Variants in NTRK3 observed in about 807,000 individuals in gnomAD.
NTRK3 encodes the protein NT-3 growth factor receptor.
A neutral mutation model predicts 91.7 loss-of-function variants in NTRK3; 24 were observed. That is an observed-to-expected ratio of 0.26 (90% CI 0.19 to 0.37). NTRK3 has a LOEUF of 0.37. Ranked by LOEUF, NTRK3 falls within the 10% of genes least tolerant of loss-of-function variation. NTRK3 has a pLI of 1.00. For synonymous variants in NTRK3, 483 were observed against 404.0 expected (o/e 1.20, Z -2.34); for missense variants, 880 against 1,068.9 (o/e 0.82, Z 2.46).
rs544511249 is a variant in NTRK3, at chr15:88,063,072, C to T, written c.1397-30027G>A. Reference sequence around the variant, plus strand: ...CCTTATGCTGTGGTTCAACACTGGGCTCCATCCCTTGGACAGATTACTGAA... The same window carrying T: ...CCTTATGCTGTGGTTCAACACTGGGTTCCATCCCTTGGACAGATTACTGAA... On this transcript the variant is annotated intron_variant, in intron 13 of 18. Coordinates refer to ENST00000394480, the Ensembl canonical transcript of NTRK3. 4.6e-5 allele frequency among the ~76,000 whole-genome samples: 7 copies of T among 152,368 alleles called. 1 individual carries two copies. The South Asian group carries it at 1.4e-3, about 32-fold the overall frequency.
At chr15:87,916,886 C>A (rs2067485846) in intron 17 of NTRK3, among the ~76,000 whole-genome samples, 1 of 152,010 alleles carries the variant, frequency 6.6e-6, no homozygotes, top group African/African-American at 2.4e-5. Context: ...CTCAGCCTCC[C>A]CAAGCATGTG....
chr15:87,870,428 CAG>C (rs2064797919), exon 19 of NTRK3: 1 of 205,390 alleles, frequency 4.9e-6, no homozygotes, highest in African/African-American at 2.3e-5. Flanking sequence ...TCTGCGGACT[CAG>C]GGGGAAAGTG....
chr15:87,880,952 T>C (rs936969691), intron 17 of NTRK3, among the ~76,000 whole-genome samples: 1 of 152,174 alleles, frequency 6.6e-6, no homozygotes, highest in Non-Finnish European at 1.5e-5. Flanking sequence ...ACAGAGACAT[T>C]CCAAAAGCGT....
chr15:88,203,270 G>T (rs2141302798), intron 3 of NTRK3, among the ~76,000 whole-genome samples: 1 of 152,222 alleles, frequency 6.6e-6, no homozygotes, highest in East Asian at 1.9e-4. Context: ...CTCAGGATCT[G>T]CTTCTAGGGA....
intron 13 of NTRK3, among the ~76,000 whole-genome samples, chr15:88,046,479 C>G (rs2080208800): frequency 6.6e-6 from 1 of 152,158 alleles, no homozygotes. Flanking sequence ...CAGGTGCGCT[C>G]AGGACATGAG....
At chr15:88,028,652 G>A (rs2078253284) in intron 14 of NTRK3, among the ~76,000 whole-genome samples, 1 of 152,112 alleles carries the variant, frequency 6.6e-6, no homozygotes, top group South Asian at 2.1e-4. Flanking sequence ...ATGACTCTGG[G>A]AAGATGGAGA....
At chr15:88,250,565 G>A (rs977841375) in intron 3 of NTRK3, among the ~76,000 whole-genome samples, 1 of 152,174 alleles carries the variant, frequency 6.6e-6, no homozygotes, top group Non-Finnish European at 1.5e-5. Context: ...TGGGCCTTGG[G>A]AACTCTGATC....
intron 15 of NTRK3, among the ~76,000 whole-genome samples, chr15:87,934,403 G>C (rs2069087021): frequency 1.3e-5 from 2 of 152,150 alleles, no homozygotes; most frequent in Non-Finnish European, 2.9e-5. Flanking sequence ...AGATTGGTTT[G>C]CATTCTCTCT....
At chr15:87,920,935 G>T (rs1007160739) in intron 17 of NTRK3, among the ~76,000 whole-genome samples, 4 of 152,172 alleles carry the variant, frequency 2.6e-5, no homozygotes, top group Non-Finnish European at 5.9e-5. Context: ...TAGTGGAAAA[G>T]CTGGTAAAAT....
At chr15:87,949,151 G>A (rs1455312764) in intron 14 of NTRK3, among the ~76,000 whole-genome samples, 1 of 152,130 alleles carries the variant, frequency 6.6e-6, no homozygotes, top group East Asian at 1.9e-4. Flanking sequence ...AAAGAGGGAG[G>A]AAGAAGGGAA....
intron 17 of NTRK3, among the ~76,000 whole-genome samples, chr15:87,896,080 G>T (rs2066105251): frequency 3.9e-5 from 6 of 152,036 alleles, no homozygotes; most frequent in Admixed American, 3.9e-4. Flanking sequence ...AAACCAAGAG[G>T]TACCCCGACC....
intron 13 of NTRK3, among the ~76,000 whole-genome samples, chr15:88,041,594 C>G (rs1051711721): frequency 6.6e-6 from 1 of 152,134 alleles, no homozygotes; most frequent in East Asian, 1.9e-4. Context: ...AAACAGAACC[C>G]CACTCAGCCC....
At chr15:88,077,629 A>G (rs7179064) in intron 13 of NTRK3, among the ~76,000 whole-genome samples, 7 of 152,162 alleles carry the variant, frequency 4.6e-5, no homozygotes, top group African/African-American at 1.4e-4. Flanking sequence ...CGACGACGTT[A>G]TATCTCCTAG....
At chr15:87,950,013 T>C (rs1020885029) in intron 14 of NTRK3, among the ~76,000 whole-genome samples, 2 of 152,006 alleles carry the variant, frequency 1.3e-5, no homozygotes, top group African/African-American at 2.4e-5. Flanking sequence ...CACCTCTCAA[T>C]CTCCCCAGAG....
intron 10 of NTRK3, among the ~76,000 whole-genome samples, 188 bp from the exon 11 acceptor site, chr15:88,128,922 C>G (rs1419738119): frequency 6.6e-6 from 1 of 152,136 alleles, no homozygotes; most frequent in South Asian, 2.1e-4. Context: ...GGGGGTGGTC[C>G]TCCAAATGGA....
chr15:88,098,854 A>T, intron 13 of NTRK3: 2 of 232,834 alleles, frequency 8.6e-6, no homozygotes, highest in Non-Finnish European at 8.5e-6. Flanking sequence ...CTCAGTAATC[A>T]AGAGAGATAA....
chr15:88,122,090 G>C (rs2052772765), intron 13 of NTRK3, among the ~76,000 whole-genome samples: 1 of 152,140 alleles, frequency 6.6e-6, no homozygotes, highest in Non-Finnish European at 1.5e-5. Context: ...ATATGACAAG[G>C]AAATAAAGCA....
intron 13 of NTRK3, among the ~76,000 whole-genome samples, chr15:88,107,114 G>C (rs2050799974): frequency 1.3e-5 from 2 of 151,916 alleles, no homozygotes. Context: ...ATATTTTCTA[G>C]ATTTTTATAT....
At chr15:88,134,687 T>C (rs1306542923) in intron 10 of NTRK3, among the ~76,000 whole-genome samples, 1 of 152,232 alleles carries the variant, frequency 6.6e-6, no homozygotes, top group Non-Finnish European at 1.5e-5. Flanking sequence ...TTTATATACC[T>C]TGACTCATTT....
Sources: gnomAD v4.1 joint callset for allele counts (sites outside exome capture counted in the v4.1 genomes callset) on GRCh38, gnomAD v4.1.1 for gene constraint, MANE v1.5 for transcripts, NCBI Gene and HGNC (gene_info 2026-07-23, HGNC 2026-07-21) for gene names.